RYR2: variants seen among roughly 807,000 people sequenced by gnomAD.
The protein encoded by RYR2 is ryanodine receptor 2.
In RYR2, 227 loss-of-function variants were observed where a neutral mutation model predicts 601.1. The ratio of observed to expected loss-of-function variants is 0.38; its 90% CI spans 0.34 to 0.42. The LOEUF (loss-of-function observed/expected upper bound fraction) is 0.42, where lower values mean the gene tolerates loss of function less well. Among genes scored for constraint, RYR2 ranks in the 10% least tolerant of loss-of-function variants. The probability of loss-of-function intolerance (pLI) is 1.00; values close to 1 mark genes in which losing one functional copy is unlikely to be tolerated. For synonymous variants in RYR2, 2,223 were observed against 2,175.1 expected (o/e 1.02, Z -0.61); for missense variants, 4,646 against 6,156.5 (o/e 0.75, Z 8.21).
intron 1 of RYR2, among the ~76,000 whole-genome samples, chr1:237,259,909 GGAATAT>G (rs1309387150): frequency 2.0e-5 from 3 of 152,164 alleles, no homozygotes; most frequent in African/African-American, 7.2e-5. Context: ...CACCACATTA[GGAATAT>G]GAATCACTGT....
At chr1:237,566,426 T>A in intron 27 of RYR2, 141 bp from the exon 28 acceptor site, 1 of 860,536 alleles carries the variant, frequency 1.2e-6, no homozygotes, top group African/African-American at 1.7e-5. Context: ...GGAAAGAAGA[T>A]AAGAAGGTAT....
chr1:237,241,451 T>C (rs1371313285), intron 1 of RYR2, among the ~76,000 whole-genome samples: 3 of 152,192 alleles, frequency 2.0e-5, no homozygotes, highest in African/African-American at 4.8e-5. Flanking sequence ...GAGAATGTGA[T>C]ATAGTGATAT....
At chr1:237,726,193 T>C in intron 74 of RYR2, 80 bp from the exon 75 acceptor site, 1 of 955,334 alleles carries the variant, frequency 1.0e-6, no homozygotes, top group African/African-American at 1.7e-5. Context: ...ATTATTACAA[T>C]CATTTTTGAC....
At chr1:237,727,257 AG>A (rs1690276795) in intron 76 of RYR2, 58 bp downstream of exon 76, 2 of 811,214 alleles carry the variant, frequency 2.5e-6, no homozygotes, top group East Asian at 2.6e-5. Context: ...AGTAAGTGAC[AG>A]GTGTTTAGAA....
intron 1 of RYR2, among the ~76,000 whole-genome samples, chr1:237,067,956 G>A (rs111444812): frequency 0.016 from 2,439 of 151,630 alleles, 40 homozygotes; most frequent in Middle Eastern, 0.028. Flanking sequence ...CACAGTTTGT[G>A]GTATAATTAA....
chr1:237,783,017 A>G (rs774205830), intron 89 of RYR2, among the ~76,000 whole-genome samples: 7 of 152,198 alleles, frequency 4.6e-5, no homozygotes, highest in Non-Finnish European at 1.0e-4. Context: ...TTCAATGAAT[A>G]AAAGCATTCT....
In RYR2 at chr1:237,651,487, A is replaced by G. The variant is rs1456730993; in HGVS notation, c.7810A>G (p.Lys2604Glu). Residue 2604 changes from lysine to glutamate, a missense_variant, in exon 51 of 105, where the codon AAG becomes GAG. Lys to Glu is a moderately conservative substitution (Grantham distance 56). Transcript: ENST00000366574. ...TGTTCCATTATTAAATGAACACGCA[A>G]AGATGCCTCTTAAAGTAAGTATAGG... ...FDVPLLNEHA[K>E]MPLKLLTNHY... is the part of the protein sequence containing the mutation. The G allele has an allele frequency of 6.4e-7, 1 of 1,566,084 alleles. No homozygotes were observed. The highest frequency in any genetic ancestry group is 8.7e-7 in the Non-Finnish European group (1 of 1,150,042).
chr1:237,592,412 C>G (rs1160145985), intron 32 of RYR2, among the ~76,000 whole-genome samples: 1 of 152,048 alleles, frequency 6.6e-6, no homozygotes, highest in Non-Finnish European at 1.5e-5. Flanking sequence ...GTGGATGGAT[C>G]ATCTGAGGTC....
intron 17 of RYR2, among the ~76,000 whole-genome samples, chr1:237,488,567 G>A (rs951689584): frequency 6.6e-6 from 1 of 152,110 alleles, no homozygotes; most frequent in African/African-American, 2.4e-5. Flanking sequence ...TGACCTGCAC[G>A]TGTACATCCA....
intron 27 of RYR2, among the ~76,000 whole-genome samples, chr1:237,563,165 T>C (rs956833968): frequency 6.6e-6 from 1 of 152,104 alleles, no homozygotes; most frequent in African/African-American, 2.4e-5. Context: ...CCCAGCACTT[T>C]GGGAGGCTGA....
chr1:237,719,782 A>G (rs1477996102), intron 73 of RYR2, among the ~76,000 whole-genome samples: 3 of 151,550 alleles, frequency 2.0e-5, no homozygotes, highest in Non-Finnish European at 2.9e-5. Flanking sequence ...TGAGGATTAC[A>G]TTTCCACATA....
chr1:237,777,192 C>T (rs909590401), intron 87 of RYR2, among the ~76,000 whole-genome samples: 1 of 152,052 alleles, frequency 6.6e-6, no homozygotes, highest in East Asian at 1.9e-4. Flanking sequence ...TCCAAAGTTT[C>T]CCCCTTTTCA....
intron 1 of RYR2, among the ~76,000 whole-genome samples, chr1:237,205,367 C>T (rs1329508652): frequency 2.0e-5 from 3 of 152,194 alleles, no homozygotes; most frequent in African/African-American, 7.2e-5. Context: ...AATGCTCTCT[C>T]AGCAGCTGCT....
At chr1:237,085,947 G>T (rs551018507) in intron 1 of RYR2, among the ~76,000 whole-genome samples, 2 of 152,304 alleles carry the variant, frequency 1.3e-5, no homozygotes, top group African/African-American at 4.8e-5. Flanking sequence ...TGGAGATGGG[G>T]TTTCACCATG....
intron 81 of RYR2, among the ~76,000 whole-genome samples, chr1:237,756,873 T>A (rs934571541): frequency 2.6e-5 from 4 of 152,218 alleles, no homozygotes; most frequent in African/African-American, 2.4e-5. Flanking sequence ...GCTGTAATTT[T>A]TTTATGTAAT....
intron 1 of RYR2, among the ~76,000 whole-genome samples, chr1:237,169,367 C>T (rs888477654): frequency 2.0e-5 from 3 of 151,648 alleles, no homozygotes; most frequent in African/African-American, 4.8e-5. Context: ...GGCACAATCT[C>T]GGCTCACTGC....
intron 98 of RYR2, chr1:237,802,320 TCTC>T (rs1298418472): frequency 6.5e-6 from 1 of 153,656 alleles, no homozygotes; most frequent in African/African-American, 2.4e-5. Context: ...TTTTTTTTAT[TCTC>T]CTTTTACCAA....
At chr1:237,631,613 A>ATT (rs556269614) in intron 42 of RYR2, 72 bp downstream of exon 42, 9,739 of 207,536 alleles carry the variant, frequency 0.047, 1,558 homozygotes, top group African/African-American at 0.055. Context: ...TAGAATGCAG[A>ATT]TTTTTTTTTT....
At position 237,633,573 on chromosome 1, in the gene RYR2, T is replaced by C. The variant is rs781371583; in HGVS notation, c.6556-5T>C. 1.2e-6 allele frequency: 2 copies of C among 1,613,920 alleles called. No homozygotes were observed. Among genetic ancestry groups the C allele is most frequent in the East Asian group, 2.2e-5 (1 of 44,872 alleles). ...TCAGCAGCTAATGACATGCTTTATCTGTAGGAAATCACCTTTCCCAAGATG... is the reference window on the plus strand; with the variant it reads ...TCAGCAGCTAATGACATGCTTTATCCGTAGGAAATCACCTTTCCCAAGATG... On this transcript the variant is annotated splice_region_variant and splice_polypyrimidine_tract_variant and intron_variant, in intron 42 of 104. Coordinates refer to ENST00000366574, the MANE Select transcript of RYR2 (RefSeq NM_001035.3).
Sources: allele counts gnomAD v4.1 joint callset (sites outside exome capture counted in the v4.1 genomes callset), GRCh38; gene constraint gnomAD v4.1.1; transcripts MANE v1.5; gene names NCBI Gene and HGNC (gene_info 2026-07-23, HGNC 2026-07-21).